The following IMMT variants were observed in gnomAD, a reference collection of about 807,000 sequenced individuals.
The protein encoded by IMMT is inner membrane mitochondrial protein.
IMMT carries 40 observed loss-of-function variants against 92.7 expected under a neutral mutation model. The ratio of observed to expected loss-of-function variants is 0.43; its 90% CI spans 0.34 to 0.56. The LOEUF (loss-of-function observed/expected upper bound fraction) is 0.56. Ranked by LOEUF, IMMT falls within the 20% of genes least tolerant of loss-of-function variation. IMMT has a pLI of 0.03. For synonymous variants in IMMT, 322 were observed against 336.1 expected (o/e 0.96, Z 0.46); for missense variants, 831 against 912.1 (o/e 0.91, Z 1.14).
intron 3 of IMMT, among the ~76,000 whole-genome samples, chr2:86,174,437 G>C (rs980174050): frequency 7.2e-5 from 11 of 152,184 alleles, no homozygotes; most frequent in African/African-American, 2.7e-4. Context: ...CAACAGGGTG[G>C]TTCTGAACTT....
intron 10 of IMMT, among the ~76,000 whole-genome samples, chr2:86,157,182 C>T (rs1407815451): frequency 1.3e-5 from 2 of 152,146 alleles, no homozygotes; most frequent in African/African-American, 4.8e-5. Flanking sequence ...TGTATTTCTC[C>T]ACATTATTCT....
rs79906199 is a variant in IMMT at position 86,158,731 on chromosome 2, T to G, written c.1033-10A>C. The G allele has an allele frequency of 6.3e-7, 1 of 1,593,742 alleles. No individual in the cohort carries two copies. The highest frequency in any genetic ancestry group is 8.6e-7 in the Non-Finnish European group (1 of 1,166,304). On this transcript the variant is annotated splice_polypyrimidine_tract_variant and intron_variant, in intron 9 of 14. Transcript: ENST00000410111. ...ACTGAGCTGCTTGGACCTGAGCAAA[T>G]ACACAGGGTATGTGATTAAATTGAA...
In IMMT at chr2:86,144,857, G is replaced by C; in HGVS notation, c.1688C>G (p.Ala563Gly). 4 of 1,604,326 alleles carry C rather than the reference G, an allele frequency of 2.5e-6. No homozygotes were observed. Among genetic ancestry groups the C allele is most frequent in the Non-Finnish European group, 3.4e-6 (4 of 1,175,872 alleles). Reference protein sequence around the residue: ...VQSHAVAEEEARKAHQLWLSV... With the variant: ...VQSHAVAEEEGRKAHQLWLSV... ...AAGCCAGAGTTGGTGGGCTTTTCTG[G>C]CTTCCTCTTCAGCAACTGCATGGCC... is the stretch of plus-strand genomic sequence containing the variant. The change falls in exon 15 of 15, where the codon GCC becomes GGC. Residue 563 changes from alanine (A) to glycine (G), a missense_variant. Ala to Gly is a moderately conservative substitution (Grantham distance 60). Coordinates refer to ENST00000410111, the MANE Select transcript of IMMT (RefSeq NM_006839.3).
intron 6 of IMMT, among the ~76,000 whole-genome samples, chr2:86,167,484 G>GTTTTTTT (rs66768832): frequency 1.3e-4 from 16 of 123,206 alleles, no homozygotes; most frequent in African/African-American, 4.2e-4. Context: ...TTTGTTTTTT[G>GTTTTTTT]TTTTTTTTTT....
At chr2:86,153,107 G>A (rs1675597191) in intron 11 of IMMT, among the ~76,000 whole-genome samples, 1 of 152,140 alleles carries the variant, frequency 6.6e-6, no homozygotes, top group South Asian at 2.1e-4. Context: ...GAAACATACT[G>A]AAAGTATTTA....
chr2:86,174,820 G>A (rs537442909), intron 3 of IMMT, among the ~76,000 whole-genome samples: 27 of 152,158 alleles, frequency 1.8e-4, no homozygotes, highest in Admixed American at 5.9e-4. Context: ...CTCATATAAC[G>A]ATTTCCCATA....
At chr2:86,146,557 G>A (rs1286254137) in intron 13 of IMMT, among the ~76,000 whole-genome samples, 2 of 151,890 alleles carry the variant, frequency 1.3e-5, no homozygotes, top group African/African-American at 2.4e-5. Context: ...GTAGAGATGG[G>A]TTTCACCATG....
intron 12 of IMMT, among the ~76,000 whole-genome samples, 189 bp from the exon 13 acceptor site, chr2:86,148,022 A>C (rs1290189990): frequency 3.3e-5 from 5 of 152,202 alleles, no homozygotes; most frequent in African/African-American, 1.2e-4. Context: ...TGATTCAAAC[A>C]AGATCACACA....
At chr2:86,159,337 G>A (rs1345188344) in intron 9 of IMMT, 199 bp downstream of exon 9, 4 of 635,504 alleles carry the variant, frequency 6.3e-6, no homozygotes, top group East Asian at 3.1e-5. Flanking sequence ...TGCCCACCTC[G>A]GCCTGCCAAA....
At chr2:86,161,937 G>A in intron 8 of IMMT, 39 bp downstream of exon 8, 1 of 1,340,122 alleles carries the variant, frequency 7.5e-7, no homozygotes, top group Non-Finnish European at 1.0e-6. Flanking sequence ...AAAGCCACCA[G>A]GAGGCCCTAA....
At chr2:86,149,639 A>C (rs1675312668) in intron 12 of IMMT, among the ~76,000 whole-genome samples, 1 of 152,156 alleles carries the variant, frequency 6.6e-6, no homozygotes, top group African/African-American at 2.4e-5. Flanking sequence ...GCGCCGTGGG[A>C]GGCCAAGGCA....
chr2:86,166,477 C>G, intron 7 of IMMT, 31 bp downstream of exon 7: 1 of 1,575,632 alleles, frequency 6.3e-7, no homozygotes, highest in Non-Finnish European at 8.6e-7. Context: ...TCATGACAGC[C>G]AGAACACTTC....
Position 86,153,567 on chromosome 2 carries a change from T to C in IMMT, c.1170A>G (p.Ser390=), listed in dbSNP as rs777756071. The C allele has an allele frequency of 2.0e-6, 3 of 1,482,246 alleles. No individual in the cohort carries two copies. The highest frequency in any genetic ancestry group is 2.8e-5 in the African/African-American group (2 of 70,276). 91.8% of individuals were successfully genotyped at this position (1,482,246 alleles called of 1,614,324 possible). ...AATATACATAACACTCACCTAAGTC[T>C]GAAACACCTACAAAGGAAAAAATAG... ...VLPGWKGMSV[S]DLADKLSTDD... is the part of the protein sequence containing the mutation. The change falls in exon 11 of 15, where the codon TCA becomes TCG. Residue 390 remains serine (S), a synonymous_variant. Coordinates refer to ENST00000410111, the MANE Select transcript of IMMT (RefSeq NM_006839.3).
chr2:86,161,996 G>C lies in IMMT; in HGVS notation c.876C>G (p.Ala292=). Residue 292 remains alanine (A), a synonymous_variant, in exon 8 of 15, where the codon GCC becomes GCG. Transcript: ENST00000410111. ...ATTACTTGGCTTTGAGAAGGGCATC[G>C]GCAGCTTCATCTACTGCCTTTCTGC... is the stretch of plus-strand genomic sequence containing the variant. ...KERRKAVDEA[A]DALLKAKEEL... The C allele has an allele frequency of 6.3e-7, 1 of 1,598,030 alleles. No homozygotes were observed. Among genetic ancestry groups the C allele is most frequent in the South Asian group, 1.1e-5 (1 of 88,272 alleles).
chr2:86,154,439 G>A (rs562075689), intron 10 of IMMT, among the ~76,000 whole-genome samples: 1 of 152,224 alleles, frequency 6.6e-6, no homozygotes, highest in South Asian at 2.1e-4. Flanking sequence ...CCAAAGTGCT[G>A]GGATTACAGG....
chr2:86,195,456 C>A lies in IMMT; in HGVS notation c.-74G>T, dbSNP rs906972598. The A allele has an allele frequency of 1.4e-5, 21 of 1,475,164 alleles. No homozygotes were observed. The Admixed American group carries it at 4.1e-4, about 29-fold the overall frequency. The allele number at this position is 1,475,164 out of a possible 1,614,324, so 91.4% of individuals were successfully genotyped here. ...CGCGAGTTAAGTGGAGGCGTGCTTG[C>A]GTGTGTGCGTGCCCGCGTCCGCGCC... is the stretch of plus-strand genomic sequence containing the variant. On this transcript the variant is annotated 5_prime_UTR_variant, in exon 1 of 15. Transcript: ENST00000410111.
intron 5 of IMMT, 110 bp downstream of exon 5, chr2:86,171,098 G>A (rs1573920259): frequency 1.0e-6 from 1 of 979,952 alleles, no homozygotes; most frequent in Non-Finnish European, 1.5e-6. Context: ...AAACTCTGAA[G>A]ACCTAAACCT....
At chr2:86,153,528 G>A (rs1294734823) in intron 11 of IMMT, 32 bp downstream of exon 11, 5 of 1,343,840 alleles carry the variant, frequency 3.7e-6, no homozygotes, top group Non-Finnish European at 5.0e-6. Flanking sequence ...CAAAACAAAA[G>A]ACTTTAAACA....
At chr2:86,183,838 AG>A (rs1314489828) in intron 1 of IMMT, among the ~76,000 whole-genome samples, 1 of 152,234 alleles carries the variant, frequency 6.6e-6, no homozygotes, top group African/African-American at 2.4e-5. Flanking sequence ...GTACGTGAAA[AG>A]CTTCCCAAGG....
Sources: allele counts gnomAD v4.1 joint callset (sites outside exome capture counted in the v4.1 genomes callset), GRCh38; gene constraint gnomAD v4.1.1; transcripts MANE v1.5; gene names NCBI Gene and HGNC (gene_info 2026-07-23, HGNC 2026-07-21).